LYRM4: variants seen among roughly 807,000 people sequenced by gnomAD.
LYRM4 encodes LYR motif-containing protein 4.
In LYRM4, 9 loss-of-function variants were observed where a neutral mutation model predicts 11.7. The ratio of observed to expected loss-of-function variants is 0.77; its 90% CI spans 0.46 to 1.34. The LOEUF (loss-of-function observed/expected upper bound fraction) is 1.34. Ranked by LOEUF, LYRM4 falls within the 40% of genes most tolerant of loss-of-function variation. The probability of loss-of-function intolerance (pLI) is 0.00; values close to 1 mark genes in which losing one functional copy is unlikely to be tolerated. For missense variants in LYRM4, 133 were observed against 112.5 expected, an observed-to-expected ratio of 1.18 and a Z score of -0.82; for synonymous variants, 42 against 40.4, an observed-to-expected ratio of 1.04 and a Z score of -0.15.
At chr6:5,065,804 TA>T in the LYRM4 span, 3 of 326,944 alleles carry the variant, frequency 9.2e-6, no homozygotes, top group Non-Finnish European at 1.6e-5. Context: ...GCTACATATT[TA>T]CCAGGGTTTC....
the LYRM4 span, among the ~76,000 whole-genome samples, chr6:5,092,450 G>A: frequency 7.2e-5 from 11 of 152,034 alleles, no homozygotes; most frequent in East Asian, 5.8e-4. Context: ...GGTGGCTCAC[G>A]CCTGTAATCC....
intron 2 of LYRM4, among the ~76,000 whole-genome samples, chr6:5,215,967 T>C (rs1762251802): frequency 6.6e-6 from 1 of 152,218 alleles, no homozygotes; most frequent in Non-Finnish European, 1.5e-5. Context: ...TTCTAATTAC[T>C]CTTGCGGATG....
At chr6:5,071,733 G>C in the LYRM4 span, among the ~76,000 whole-genome samples, 2 of 152,026 alleles carry the variant, frequency 1.3e-5, no homozygotes, top group Non-Finnish European at 2.9e-5. Context: ...TGCCTCCCTG[G>C]CTCACACGAT....
At chr6:5,083,228 C>G in the LYRM4 span, among the ~76,000 whole-genome samples, 1 of 152,224 alleles carries the variant, frequency 6.6e-6, no homozygotes, top group South Asian at 2.1e-4. Context: ...GTCGCCACCA[C>G]CTCAAAATCT....
chr6:5,128,985 G>T (rs555912082), intron 2 of LYRM4, among the ~76,000 whole-genome samples: 2 of 152,304 alleles, frequency 1.3e-5, no homozygotes, highest in African/African-American at 4.8e-5. Flanking sequence ...ATATGCGCTT[G>T]CTCAAAAAAC....
chr6:5,235,149 G>T (rs551411255), intron 1 of LYRM4, among the ~76,000 whole-genome samples: 1 of 151,800 alleles, frequency 6.6e-6, no homozygotes, highest in South Asian at 2.1e-4. Context: ...CTGTTGAATT[G>T]TAATTTTTTT....
Position 5,136,536 on chromosome 6 carries a change from T to G in LYRM4, c.208-27045A>C, listed in dbSNP as rs139536721. On this transcript the variant is annotated intron_variant, in intron 2 of 2. Coordinates refer to ENST00000330636, the MANE Select transcript of LYRM4 (RefSeq NM_020408.6). ...TCCTTACCTACAGAATGGGATAATG[T>G]CAATTTTACATAAGTTAGATGGTAT... 317 of 962,634 alleles carry G rather than the reference T, an allele frequency of 3.3e-4. 2 individuals carry two copies. The African/African-American group carries it at 5.4e-3, about 16-fold the overall frequency. The allele number at this position is 962,634 out of a possible 1,614,324, so 59.6% of individuals were successfully genotyped here. A position where few individuals can be genotyped will look rare whatever the true frequency, so the allele number is the denominator to read the frequency against.
At chr6:5,142,664 C>T (rs1757470591) in intron 2 of LYRM4, among the ~76,000 whole-genome samples, 1 of 152,198 alleles carries the variant, frequency 6.6e-6, no homozygotes, top group African/African-American at 2.4e-5. Flanking sequence ...CTACTGTTTA[C>T]AGGTAAAGGC....
chr6:5,152,605 C>T (rs1355397538), intron 2 of LYRM4, among the ~76,000 whole-genome samples: 1 of 152,206 alleles, frequency 6.6e-6, no homozygotes, highest in African/African-American at 2.4e-5. Flanking sequence ...GGCTGTTCCC[C>T]TCTGTTGTAC....
chr6:5,143,784 A>G (rs565553943), intron 2 of LYRM4, among the ~76,000 whole-genome samples: 1 of 152,356 alleles, frequency 6.6e-6, no homozygotes, highest in South Asian at 2.1e-4. Context: ...AAGAATTAAC[A>G]GCATGAGAAA....
the LYRM4 span, among the ~76,000 whole-genome samples, chr6:5,076,205 G>A: frequency 6.6e-6 from 1 of 151,892 alleles, no homozygotes; most frequent in African/African-American, 2.4e-5. Flanking sequence ...CTTGGCCTCC[G>A]GAAGTGTTGA....
At chr6:5,121,992 C>T (rs1040824590) in intron 2 of LYRM4, among the ~76,000 whole-genome samples, 2 of 152,154 alleles carry the variant, frequency 1.3e-5, no homozygotes, top group African/African-American at 4.8e-5. Context: ...ATCAGGCTGC[C>T]TGTTGTTATT....
the LYRM4 span, among the ~76,000 whole-genome samples, chr6:5,090,235 G>A: frequency 6.6e-6 from 1 of 152,214 alleles, no homozygotes; most frequent in Admixed American, 6.5e-5. This position sits in a 1 kb window ranked among gnomAD's most constrained non-coding sequence, Gnocchi z 4.8. Context: ...AGGGAGTCTA[G>A]TTTCTTCCTT....
chr6:5,070,961 G>T, the LYRM4 span, among the ~76,000 whole-genome samples: 1 of 151,898 alleles, frequency 6.6e-6, no homozygotes, highest in Non-Finnish European at 1.5e-5. Context: ...AGAGGCTGAG[G>T]TGGACGGATC....
chr6:5,184,668 T>C (rs936721011), intron 2 of LYRM4, among the ~76,000 whole-genome samples: 2 of 152,216 alleles, frequency 1.3e-5, no homozygotes, highest in Admixed American at 6.5e-5. Context: ...TAAGAACAAG[T>C]AGACCCTTTT....
At chr6:5,187,104 A>C (rs1208516479) in intron 2 of LYRM4, 6 of 849,470 alleles carry the variant, frequency 7.1e-6, no homozygotes, top group Non-Finnish European at 8.5e-6. Flanking sequence ...AATAATATAG[A>C]AAAGAAATGC....
chr6:5,204,033 A>G (rs2127708656), intron 2 of LYRM4, among the ~76,000 whole-genome samples: 1 of 152,162 alleles, frequency 6.6e-6, no homozygotes. Flanking sequence ...TCTCCTTCAC[A>G]CCCCTAGGAA....
chr6:5,179,384 A>G (rs1244287667), intron 2 of LYRM4, among the ~76,000 whole-genome samples: 1 of 152,146 alleles, frequency 6.6e-6, no homozygotes, highest in African/African-American at 2.4e-5. Context: ...GAAACACAGT[A>G]CCCATCAAAC....
the LYRM4 span, chr6:5,066,729 G>A: frequency 1.6e-5 from 13 of 794,036 alleles, no homozygotes; most frequent in South Asian, 1.2e-4. Flanking sequence ...TACGATTTGC[G>A]CCAGGGTCTC....
Sources: gnomAD v4.1 joint callset for allele counts (sites outside exome capture counted in the v4.1 genomes callset) on GRCh38, gnomAD v4.1.1 for gene constraint, Gnocchi (gnomAD v3.1) non-coding constraint, MANE v1.5 for transcripts, NCBI Gene and HGNC (gene_info 2026-07-23, HGNC 2026-07-21) for gene names.